CASP4: variants seen among roughly 807,000 people sequenced by gnomAD.
CASP4 encodes caspase-4.
In CASP4, 29 loss-of-function variants were observed where a neutral mutation model predicts 41.3. The ratio of observed to expected loss-of-function variants is 0.70; its 90% CI spans 0.52 to 0.96. The LOEUF (loss-of-function observed/expected upper bound fraction) is 0.96, where lower values mean the gene tolerates loss of function less well. CASP4 is among the 40% of genes least tolerant of loss of function. The pLI is 0.00. For missense variants in CASP4, 447 were observed against 460.6 expected (o/e 0.97, Z 0.27); for synonymous variants, 185 against 158.4 (o/e 1.17, Z -1.26).
chr11:104,957,478 A>G (rs1404404157), intron 1 of CASP4, among the ~76,000 whole-genome samples: 1 of 152,094 alleles, frequency 6.6e-6, no homozygotes, highest in African/African-American at 2.4e-5. Flanking sequence ...AGTCTGAGGT[A>G]GGAGGATTGC....
chr11:104,959,312 A>T (rs765766473), intron 1 of CASP4, among the ~76,000 whole-genome samples: 7 of 152,196 alleles, frequency 4.6e-5, no homozygotes, highest in Non-Finnish European at 1.5e-5. Flanking sequence ...AGAACATTAT[A>T]TTAAGTAAAA....
chr11:104,959,554 G>A (rs1164127066), intron 1 of CASP4, among the ~76,000 whole-genome samples: 2 of 152,126 alleles, frequency 1.3e-5, no homozygotes, highest in Non-Finnish European at 2.9e-5. Flanking sequence ...TCAAATTTAT[G>A]GATTCAGCCC....
At chr11:104,960,783 T>A (rs544273815) in intron 1 of CASP4, among the ~76,000 whole-genome samples, 22 of 152,206 alleles carry the variant, frequency 1.4e-4, no homozygotes, top group African/African-American at 4.8e-4. Context: ...CCTTTTTTTT[T>A]ATTTTTCCAT....
intron 1 of CASP4, among the ~76,000 whole-genome samples, chr11:104,959,690 A>T (rs901309758): frequency 6.6e-6 from 1 of 152,108 alleles, no homozygotes; most frequent in African/African-American, 2.4e-5. Context: ...TCCATCCTTC[A>T]TTCTCTTTTC....
intron 4 of CASP4, among the ~76,000 whole-genome samples, 174 bp downstream of exon 4, chr11:104,950,751 G>T (rs750373898): frequency 6.6e-6 from 1 of 151,412 alleles, no homozygotes; most frequent in Admixed American, 6.6e-5. Flanking sequence ...GATATTTGGA[G>T]GACCAAAGAG....
intron 1 of CASP4, among the ~76,000 whole-genome samples, chr11:104,965,761 G>T (rs776154295): frequency 1.3e-5 from 2 of 152,178 alleles, no homozygotes; most frequent in Non-Finnish European, 2.9e-5. Flanking sequence ...CAATGTAAGG[G>T]ACATGCAGCC....
Position 104,944,704 on chromosome 11 carries a change from C to G in CASP4, c.*5+44G>C, listed in dbSNP as rs778684636. On this transcript the variant is annotated intron_variant, in intron 8 of 8. Coordinates refer to ENST00000444739, the MANE Select transcript of CASP4 (RefSeq NM_001225.4). ...ATTGAACTTAACCACCAATATCACT[C>G]TCTTATTTATTTCACATACCACCAA... is the stretch of plus-strand genomic sequence containing the variant. The G allele has an allele frequency of 4.8e-6, 6 of 1,237,324 alleles. No homozygotes were observed. The African/African-American group carries it at 7.4e-5, about 15-fold the overall frequency. The allele number at this position is 1,237,324 out of a possible 1,614,324, so 76.6% of individuals were successfully genotyped here.
At chr11:104,947,036 A>G (rs1263002693) in intron 7 of CASP4, 47 bp downstream of exon 7, 2 of 1,340,856 alleles carry the variant, frequency 1.5e-6, no homozygotes, top group Non-Finnish European at 2.1e-6. Context: ...AATCATGACA[A>G]ATTCTTCCTG....
In CASP4 at chr11:104,954,984, T is replaced by C; in HGVS notation, c.25A>G (p.Lys9Glu). MAEGNHRK[K>E]PLKVLESLGK... Reference sequence around the variant, plus strand: ...AGGGATTCCAACACCTTAAGTGGCTTTTTTCTGTGGTTGCCTTCTGTTAGA... The same window carrying C: ...AGGGATTCCAACACCTTAAGTGGCTCTTTTCTGTGGTTGCCTTCTGTTAGA... The change falls in exon 2 of 9, where the codon AAG becomes GAG. Residue 9 changes from lysine to glutamate, a missense_variant. Physicochemically the swap from Lys to Glu is moderately conservative, Grantham distance 56. Coordinates refer to ENST00000444739, the MANE Select transcript of CASP4 (RefSeq NM_001225.4). 1 of 1,613,166 alleles carries C rather than the reference T, an allele frequency of 6.2e-7. No homozygotes were observed. The highest frequency in any genetic ancestry group is 1.1e-5 in the South Asian group (1 of 91,000).
chr11:104,963,674 C>G (rs1185723811), intron 1 of CASP4, among the ~76,000 whole-genome samples: 1 of 152,210 alleles, frequency 6.6e-6, no homozygotes, highest in Non-Finnish European at 1.5e-5. Flanking sequence ...GAAACATCCC[C>G]ATGCCTGACT....
chr11:104,954,355 G>A (rs1187068967), intron 2 of CASP4, among the ~76,000 whole-genome samples: 1 of 152,062 alleles, frequency 6.6e-6, no homozygotes, highest in Non-Finnish European at 1.5e-5. Flanking sequence ...AGGCTTAGAC[G>A]ATCTTGTGAG....
chr11:104,959,581 A>T (rs1285423997), intron 1 of CASP4, among the ~76,000 whole-genome samples: 2 of 152,208 alleles, frequency 1.3e-5, no homozygotes, highest in African/African-American at 4.8e-5. Flanking sequence ...GGATGTCGGT[A>T]TTGAAACCTA....
chr11:104,960,074 C>T (rs73631101), intron 1 of CASP4, among the ~76,000 whole-genome samples: 1 of 152,254 alleles, frequency 6.6e-6, no homozygotes, highest in African/African-American at 2.4e-5. Flanking sequence ...CCACCTTGCT[C>T]ATTACATTCA....
intron 1 of CASP4, among the ~76,000 whole-genome samples, chr11:104,960,258 A>T (rs1860827974): frequency 6.6e-6 from 1 of 152,114 alleles, no homozygotes; most frequent in Admixed American, 6.5e-5. Flanking sequence ...GGATCTGTAT[A>T]GTTTCAGCAC....
chr11:104,968,299 G>A (rs1808467854), intron 1 of CASP4, among the ~76,000 whole-genome samples: 1 of 152,300 alleles, frequency 6.6e-6, no homozygotes, highest in African/African-American at 2.4e-5. Context: ...TGAAAGAAAG[G>A]AATTAACTTC....
rs182278224 is a variant in CASP4 at position 104,956,298 on chromosome 11, A to G, written c.8-1297T>C. Among the ~76,000 whole-genome samples, 236 of 152,186 alleles carry G rather than the reference A, an allele frequency of 1.6e-3. 1 individual carries two copies. Among genetic ancestry groups the G allele is most frequent in the Non-Finnish European group, 4.7e-4 (32 of 67,954 alleles). On this transcript the variant is annotated intron_variant, in intron 1 of 8. Coordinates refer to ENST00000444739, the MANE Select transcript of CASP4 (RefSeq NM_001225.4). ...TAAATAATAACTTATGTCACATCAC[A>G]TGAATTAGGATTCAAATCTTGTTTT...
At chr11:104,955,804 T>G (rs933615337) in intron 1 of CASP4, among the ~76,000 whole-genome samples, 3 of 152,216 alleles carry the variant, frequency 2.0e-5, no homozygotes, top group Admixed American at 2.0e-4. Context: ...TTTCGGCAGA[T>G]TGTACACAGA....
chr11:104,968,057 GA>G (rs1290326399), intron 1 of CASP4, among the ~76,000 whole-genome samples: 1 of 151,898 alleles, frequency 6.6e-6, no homozygotes, highest in Non-Finnish European at 1.5e-5. Context: ...CGAGAAAGAG[GA>G]AAAAATTGAA....
At chr11:104,943,176 C>T (rs1860366450) in intron 8 of CASP4, 2 of 333,682 alleles carry the variant, frequency 6.0e-6, no homozygotes, top group Non-Finnish European at 1.2e-5. Context: ...TTTTCTAAAG[C>T]ACTAGAAAGG....
Sources: gnomAD v4.1 joint callset for allele counts (sites outside exome capture counted in the v4.1 genomes callset) on GRCh38, gnomAD v4.1.1 for gene constraint, MANE v1.5 for transcripts, NCBI Gene and HGNC (gene_info 2026-07-23, HGNC 2026-07-21) for gene names.